TMEM132C: variants seen among roughly 807,000 people sequenced by gnomAD.
TMEM132C encodes the protein transmembrane protein 132C.
In TMEM132C, 29 loss-of-function variants were observed where a neutral mutation model predicts 61.4. The observed-to-expected ratio is 0.47, with a 90% CI of 0.35 to 0.64. The LOEUF is 0.64. Among genes scored for constraint, TMEM132C ranks in the 30% least tolerant of loss-of-function variants. TMEM132C has a pLI of 0.00. For missense variants in TMEM132C, 1,408 were observed against 1,476.9 expected, an observed-to-expected ratio of 0.95 and a Z score of 0.76; for synonymous variants, 656 against 633.1, an observed-to-expected ratio of 1.04 and a Z score of -0.54.
intron 1 of TMEM132C, among the ~76,000 whole-genome samples, chr12:128,286,062 C>CCTCTCT (rs138264526): frequency 6.5e-5 from 6 of 92,306 alleles, no homozygotes; most frequent in East Asian, 3.8e-4. Context: ...TCTCTCCCTT[C>CCTCTCT]CTCTCTCTCT....
intron 4 of TMEM132C, among the ~76,000 whole-genome samples, chr12:128,652,894 T>G (rs1593135412): frequency 1.3e-5 from 2 of 152,170 alleles, no homozygotes; most frequent in South Asian, 4.1e-4. Flanking sequence ...TTACCTACTT[T>G]TAAAAAGGAC....
chr12:128,287,030 C>T (rs537376090), intron 1 of TMEM132C, among the ~76,000 whole-genome samples: 1 of 152,320 alleles, frequency 6.6e-6, no homozygotes, highest in African/African-American at 2.4e-5. Flanking sequence ...TACTTGTGAT[C>T]ATGTCTGTGA....
At chr12:128,496,423 A>G (rs1871961311) in intron 2 of TMEM132C, among the ~76,000 whole-genome samples, 1 of 152,040 alleles carries the variant, frequency 6.6e-6, no homozygotes, top group African/African-American at 2.4e-5. Flanking sequence ...TATCCTGCAG[A>G]GTGTTTTCCA....
At chr12:128,331,741 G>T (rs999202114) in intron 1 of TMEM132C, among the ~76,000 whole-genome samples, 19 of 152,158 alleles carry the variant, frequency 1.2e-4, no homozygotes, top group Admixed American at 2.0e-4. Flanking sequence ...TACCAGTGTA[G>T]GTATCTTTCT....
chr12:128,592,865 C>T (rs10773558), intron 3 of TMEM132C, among the ~76,000 whole-genome samples: 46,181 of 152,124 alleles, frequency 0.3, 8,551 homozygotes, highest in East Asian at 0.66. Flanking sequence ...TCAGGGTGAG[C>T]CGCTGCCTTT....
intron 4 of TMEM132C, among the ~76,000 whole-genome samples, chr12:128,627,827 G>C (rs1439476061): frequency 6.6e-6 from 1 of 152,206 alleles, no homozygotes; most frequent in African/African-American, 2.4e-5. Context: ...AAAGTGCTGG[G>C]TCCTGGTCAG....
intron 1 of TMEM132C, among the ~76,000 whole-genome samples, chr12:128,333,585 G>A (rs1411855944): frequency 1.3e-5 from 2 of 150,208 alleles, no homozygotes; most frequent in Non-Finnish European, 2.9e-5. Context: ...ATGTGAGAAT[G>A]TGTGATGTTG....
At chr12:128,400,129 T>C (rs1245644846) in intron 1 of TMEM132C, 1 of 152,212 alleles carries the variant, frequency 6.6e-6, no homozygotes, top group Admixed American at 6.5e-5. Flanking sequence ...GAGAAAACCC[T>C]CGCGCACTGA....
intron 1 of TMEM132C, among the ~76,000 whole-genome samples, chr12:128,334,385 C>A (rs1872741617): frequency 6.6e-6 from 1 of 152,184 alleles, no homozygotes; most frequent in Admixed American, 6.5e-5. Flanking sequence ...TGTGCATTCT[C>A]ATTCCTCAGT....
chr12:128,418,907 AT>A (rs201172031), intron 2 of TMEM132C, among the ~76,000 whole-genome samples: 9 of 151,980 alleles, frequency 5.9e-5, no homozygotes, highest in South Asian at 2.1e-4. Flanking sequence ...TTTTTATTTT[AT>A]TTTTTTTAAG....
chr12:128,517,936 T>C (rs555988194), intron 2 of TMEM132C, among the ~76,000 whole-genome samples: 2 of 152,288 alleles, frequency 1.3e-5, no homozygotes, highest in South Asian at 4.1e-4. Flanking sequence ...CTAAATGAGC[T>C]TAGCCTCAAA....
At chr12:128,581,235 G>A (rs1232999146) in intron 3 of TMEM132C, among the ~76,000 whole-genome samples, 1 of 151,954 alleles carries the variant, frequency 6.6e-6, no homozygotes, top group East Asian at 1.9e-4. Context: ...AAACGCTGTT[G>A]GAATCCCCAT....
intron 1 of TMEM132C, among the ~76,000 whole-genome samples, chr12:128,370,194 C>A (rs1282210627): frequency 6.9e-6 from 1 of 143,956 alleles, no homozygotes; most frequent in Non-Finnish European, 1.6e-5. Context: ...TCTTAGGGCT[C>A]AGGTGTGCAG....
rs368582084 is a variant in TMEM132C, at chr12:128,660,270, C to A, written c.1306-9147C>A. Reference sequence around the variant, plus strand: ...AGTCATTCCTCCTCGTCCAGGTGGGCTGAGGAACCCCTTTCCTCTCTGATT... The same window carrying A: ...AGTCATTCCTCCTCGTCCAGGTGGGATGAGGAACCCCTTTCCTCTCTGATT... On this transcript the variant is annotated intron_variant, in intron 4 of 8. Transcript: ENST00000435159. Among the ~76,000 whole-genome samples, 7 of 152,278 alleles carry A rather than the reference C, an allele frequency of 4.6e-5. No individual in the cohort carries two copies. In the South Asian group the frequency reaches 8.3e-4, roughly 18 times the overall value.
At chr12:128,460,769 C>T (rs981187899) in intron 2 of TMEM132C, among the ~76,000 whole-genome samples, 13 of 152,090 alleles carry the variant, frequency 8.5e-5, no homozygotes, top group Admixed American at 3.3e-4. Flanking sequence ...TGTCCTAACC[C>T]GCAGGACTCC....
chr12:128,665,672 G>T (rs1326221865), intron 4 of TMEM132C, among the ~76,000 whole-genome samples: 1 of 113,226 alleles, frequency 8.8e-6, no homozygotes, highest in Non-Finnish European at 1.8e-5. Flanking sequence ...TAAACACACA[G>T]GCATACACAC....
At chr12:128,695,723 G>A (rs1426485753) in intron 6 of TMEM132C, 107 bp from the exon 7 acceptor site, 35 of 1,276,574 alleles carry the variant, frequency 2.7e-5, no homozygotes, top group South Asian at 1.1e-4. Context: ...CCTGGCGCTC[G>A]TGTCTTCAAT....
intron 1 of TMEM132C, among the ~76,000 whole-genome samples, chr12:128,312,246 A>C (rs960420354): frequency 3.3e-5 from 5 of 152,170 alleles, no homozygotes; most frequent in Non-Finnish European, 7.3e-5. Context: ...ATCAGTTATG[A>C]TGAAATCATA....
chr12:128,513,093 G>A (rs1409031030), intron 2 of TMEM132C, among the ~76,000 whole-genome samples: 1 of 152,162 alleles, frequency 6.6e-6, no homozygotes, highest in Non-Finnish European at 1.5e-5. Flanking sequence ...GGGGAAGACA[G>A]AAGAAAGCAG....
Sources: allele counts gnomAD v4.1 joint callset (sites outside exome capture counted in the v4.1 genomes callset), GRCh38; gene constraint gnomAD v4.1.1; transcripts MANE v1.5; gene names NCBI Gene and HGNC (gene_info 2026-07-23, HGNC 2026-07-21).